FAHD2B: variants seen among roughly 807,000 people sequenced by gnomAD.
The protein encoded by FAHD2B is fumarylacetoacetate hydrolase domain containing 2B, also known as oxaloacetate tautomerase FAHD2B, mitochondrial.
A neutral mutation model predicts 33.7 loss-of-function variants in FAHD2B; 26 were observed. The observed-to-expected ratio is 0.77, with a 90% CI of 0.57 to 1.07. The LOEUF (loss-of-function observed/expected upper bound fraction) is 1.07, where lower values mean the gene tolerates loss of function less well. Ranked by LOEUF, FAHD2B falls within the 50% of genes least tolerant of loss-of-function variation. FAHD2B has a pLI of 0.00. For synonymous variants in FAHD2B, 108 were observed against 150.9 expected, an observed-to-expected ratio of 0.72 and a Z score of 2.08; for missense variants, 272 against 388.1, an observed-to-expected ratio of 0.70 and a Z score of 2.51.
At chr2:97,093,588 C>T (rs1164027345) in intron 1 of FAHD2B, among the ~76,000 whole-genome samples, 1 of 151,240 alleles carries the variant, frequency 6.6e-6, no homozygotes, top group African/African-American at 2.4e-5. Flanking sequence ...CATTCTCCTG[C>T]CTCAGCCTCC....
downstream of FAHD2B, among the ~76,000 whole-genome samples, chr2:97,080,364 T>C (rs2031599919): frequency 6.6e-6 from 1 of 152,156 alleles, no homozygotes; most frequent in Non-Finnish European, 1.5e-5. Context: ...CATTGCTTGT[T>C]TTTGTCAGGT....
chr2:97,094,219 T>C (rs1461806167), intron 1 of FAHD2B, among the ~76,000 whole-genome samples: 3 of 152,034 alleles, frequency 2.0e-5, no homozygotes, highest in Non-Finnish European at 2.9e-5. Flanking sequence ...CCAGGCCCCA[T>C]TGACTGTTCC....
chr2:97,081,392 A>G (rs2031639366), downstream of FAHD2B: 1 of 1,552,170 alleles, frequency 6.4e-7, no homozygotes, highest in Non-Finnish European at 8.7e-7. Flanking sequence ...GCCCCTGCCC[A>G]TGTGCCTGGC....
chr2:97,087,569 C>T lies in FAHD2B; in HGVS notation c.463-1371G>A, dbSNP rs111305534. 9.0e-3 allele frequency among the ~76,000 whole-genome samples: 1,374 copies of T among 152,058 alleles called. 12 individuals are homozygous for T. The highest frequency in any genetic ancestry group is 0.013 in the Non-Finnish European group (880 of 68,000). ...AAAAAATTAGCCAGGTGTGGTGGTG[C>T]ATCCCTGTAATCCCAGCTACTAGGG... On this transcript the variant is annotated intron_variant, in intron 4 of 8. Transcript: ENST00000414820.
At chr2:97,093,504 T>C (rs1394487181) in intron 1 of FAHD2B, among the ~76,000 whole-genome samples, 2 of 137,564 alleles carry the variant, frequency 1.5e-5, no homozygotes, top group Admixed American at 7.9e-5. Flanking sequence ...AGATGGAGTC[T>C]CGCTCTGTCG....
downstream of FAHD2B, among the ~76,000 whole-genome samples, chr2:97,079,257 G>T (rs1464103137): frequency 6.6e-6 from 1 of 152,070 alleles, no homozygotes; most frequent in Admixed American, 6.6e-5. Context: ...CTTTATAATA[G>T]AATGATTTAC....
downstream of FAHD2B, among the ~76,000 whole-genome samples, chr2:97,079,749 C>G (rs1252501284): frequency 6.6e-6 from 1 of 151,770 alleles, no homozygotes; most frequent in Non-Finnish European, 1.5e-5. Flanking sequence ...ACGGCAACCT[C>G]CACCTCCTGG....
At position 97,083,939 on chromosome 2, in the gene FAHD2B, C is replaced by T; in HGVS notation, c.882+9G>A. 6.2e-7 allele frequency: 1 copy of T among 1,613,878 alleles called. No individual in the cohort carries two copies. The highest frequency in any genetic ancestry group is 8.5e-7 in the Non-Finnish European group (1 of 1,179,970). ...GGGCCCTTGCTCTCTTTGCTTTTCGCTAACCTACCTTGAGAAAGACAGGAG... is the reference window on the plus strand; with the variant it reads ...GGGCCCTTGCTCTCTTTGCTTTTCGTTAACCTACCTTGAGAAAGACAGGAG... On this transcript the variant is annotated intron_variant, in intron 8 of 8. Transcript: ENST00000414820.
chr2:97,088,338 G>A (rs2153383005), intron 4 of FAHD2B, among the ~76,000 whole-genome samples: 1 of 152,220 alleles, frequency 6.6e-6, no homozygotes. Flanking sequence ...TGTGCTATGG[G>A]AGGGACCCGG....
chr2:97,085,577 G>A, intron 6 of FAHD2B, 122 bp downstream of exon 6: 1 of 1,456,314 alleles, frequency 6.9e-7, no homozygotes, highest in South Asian at 1.4e-5. Context: ...CCTGTATGGA[G>A]TCAGCAGTCA....
intron 6 of FAHD2B, 113 bp from the exon 7 acceptor site, chr2:97,084,390 A>C (rs2031821791): frequency 1.6e-6 from 2 of 1,226,020 alleles, no homozygotes; most frequent in Non-Finnish European, 2.3e-6. Context: ...AAAGGGCTTT[A>C]AAGTGCCCAC....
chr2:97,088,392 T>A (rs1282530316), intron 4 of FAHD2B, among the ~76,000 whole-genome samples: 1 of 152,072 alleles, frequency 6.6e-6, no homozygotes, highest in African/African-American at 2.4e-5. Flanking sequence ...CCCGTGCTGT[T>A]CTCATGATAG....
downstream of FAHD2B, among the ~76,000 whole-genome samples, chr2:97,079,176 T>G (rs2031568883): frequency 3.9e-5 from 6 of 152,168 alleles, no homozygotes. Flanking sequence ...CTATCATTGA[T>G]GGGCATTTAG....
At chr2:97,088,862 G>A (rs1019840095) in intron 4 of FAHD2B, among the ~76,000 whole-genome samples, 1 of 151,778 alleles carries the variant, frequency 6.6e-6, no homozygotes, top group Admixed American at 6.6e-5. Context: ...GTCTATTTCA[G>A]TTTTATGACA....
chr2:97,090,747 A>T (rs1327634929), intron 3 of FAHD2B, among the ~76,000 whole-genome samples: 1 of 151,810 alleles, frequency 6.6e-6, no homozygotes, highest in Non-Finnish European at 1.5e-5. Context: ...ATATGTAACA[A>T]TACATAGAGA....
intron 2 of FAHD2B, 69 bp from the exon 3 acceptor site, chr2:97,091,781 C>T (rs2032362501): frequency 1.9e-6 from 3 of 1,552,280 alleles, no homozygotes; most frequent in Non-Finnish European, 2.6e-6. Context: ...CCTGATATTC[C>T]TAGGGCTATA....
intron 1 of FAHD2B, among the ~76,000 whole-genome samples, chr2:97,092,592 T>C (rs994882670): frequency 7.9e-5 from 12 of 152,138 alleles, no homozygotes; most frequent in Non-Finnish European, 1.5e-5. Flanking sequence ...AAGCAGGGGC[T>C]TGACATTTCA....
At chr2:97,092,443 G>A (rs996389215) in intron 1 of FAHD2B, among the ~76,000 whole-genome samples, 4 of 152,114 alleles carry the variant, frequency 2.6e-5, no homozygotes, top group African/African-American at 4.8e-5. Flanking sequence ...AAACAGCAAG[G>A]TCTAGGCCTG....
rs139693150 is a variant in FAHD2B, at chr2:97,092,695, C to T, written c.-132-707G>A. On this transcript the variant is annotated intron_variant, in intron 1 of 8. Coordinates refer to ENST00000414820, the MANE Select transcript of FAHD2B (RefSeq NM_001320848.2). ...CTAGAAAGTATCCACAAGGGCCAGA[C>T]GCAGTGGCTCACACCTGAAATCCCT... Among the ~76,000 whole-genome samples the T allele has an allele frequency of 3.9e-3, 594 of 152,152 alleles. 5 individuals are homozygous for T. The highest frequency in any genetic ancestry group is 0.013 in the African/African-American group (543 of 41,538).
Sources: allele counts gnomAD v4.1 joint callset (sites outside exome capture counted in the v4.1 genomes callset), GRCh38; gene constraint gnomAD v4.1.1; transcripts MANE v1.5; gene names NCBI Gene and HGNC (gene_info 2026-07-23, HGNC 2026-07-21).